CEP164: variants seen among roughly 807,000 people sequenced by gnomAD.
CEP164 encodes centrosomal protein 164.
CEP164 carries 162 observed loss-of-function variants against 182.7 expected under a neutral mutation model. The observed-to-expected ratio is 0.89, with a 90% CI of 0.78 to 1.01. CEP164 has a LOEUF of 1.01. Ranked by LOEUF, CEP164 falls within the 50% of genes least tolerant of loss-of-function variation. CEP164 has a pLI of 0.00. For synonymous variants in CEP164, 661 were observed against 690.0 expected (o/e 0.96, Z 0.66); for missense variants, 1,735 against 1,790.4 (o/e 0.97, Z 0.56).
intron 24 of CEP164, 124 bp from the exon 25 acceptor site, chr11:117,395,930 C>CTCAGCCCTTCCTCAGGGACTT: frequency 7.1e-7 from 1 of 1,406,206 alleles, no homozygotes; most frequent in Non-Finnish European, 9.8e-7. Context: ...TTGTTCGTGC[C>CTCAGCCCTTCCTCAGGGACTT]TGAGCCCTTC....
chr11:117,354,714 T>C (rs558153519), intron 5 of CEP164, among the ~76,000 whole-genome samples: 96 of 151,938 alleles, frequency 6.3e-4, no homozygotes, highest in African/African-American at 2.0e-3. Flanking sequence ...TGTGTTTTAC[T>C]TCATTTTTTA....
intron 11 of CEP164, 28 bp from the exon 12 acceptor site, chr11:117,380,586 C>G: frequency 4.5e-6 from 7 of 1,564,572 alleles, no homozygotes; most frequent in Non-Finnish European, 5.2e-6. Context: ...CCCTCCAACA[C>G]AAACTTTTTA....
chr11:117,340,004 T>A (rs2037858252), intron 3 of CEP164, among the ~76,000 whole-genome samples: 1 of 152,062 alleles, frequency 6.6e-6, no homozygotes, highest in South Asian at 2.1e-4. Flanking sequence ...CTAGGGCCTG[T>A]ACTTTGTTCT....
chr11:117,391,732 C>T (rs1565576685), intron 17 of CEP164, among the ~76,000 whole-genome samples: 3 of 152,282 alleles, frequency 2.0e-5, no homozygotes, highest in Non-Finnish European at 4.4e-5. Flanking sequence ...TCTTCTACTC[C>T]AGTCAGATGG....
intron 5 of CEP164, chr11:117,356,382 C>T: frequency 1.7e-6 from 2 of 1,186,812 alleles, no homozygotes; most frequent in African/African-American, 3.2e-5. Context: ...TCTAGGATGT[C>T]TAGTGAGGGT....
Position 117,344,201 on chromosome 11 carries a change from C to T in CEP164, c.118C>T (p.Pro40Ser), listed in dbSNP as rs1484750398. 2.5e-6 allele frequency: 4 copies of T among 1,613,236 alleles called. No individual in the cohort carries two copies. The highest frequency in any genetic ancestry group is 2.5e-6 in the Non-Finnish European group (3 of 1,179,680). Residue 40 changes from proline to serine, a missense_variant, in exon 4 of 33, where the codon CCC becomes TCC. Coordinates refer to ENST00000278935, the MANE Select transcript of CEP164 (RefSeq NM_014956.5). ...LEFAREIGID[P>S]IKEPELMWLA... Reference sequence around the variant, plus strand: ...ATTTGCCCGGGAGATTGGTATTGATCCCATCAAGGAACCAGAACTGATGTG... The same window carrying T: ...ATTTGCCCGGGAGATTGGTATTGATTCCATCAAGGAACCAGAACTGATGTG...
rs568856142 is a variant in CEP164 at position 117,409,272 on chromosome 11, C to T, written c.3748+244C>T. On this transcript the variant is annotated intron_variant, in intron 29 of 32. Coordinates refer to ENST00000278935, the MANE Select transcript of CEP164 (RefSeq NM_014956.5). The surrounding 1 kb of genome is among the most constrained non-coding windows in gnomAD (Gnocchi z 4.4). The stretch of plus-strand genomic sequence containing the variant: ...AGCACTCTACGGTGTGACCACTGGC[C>T]TTGCTGGCCTCTTCTCTTCCAGGGC... The T allele has an allele frequency of 8.4e-6, 5 of 594,060 alleles. No individual in the cohort carries two copies. The highest frequency in any genetic ancestry group is 2.8e-5 in the East Asian group (1 of 35,586). The allele number at this position is 594,060 out of a possible 1,614,324, so 36.8% of individuals were successfully genotyped here. A position where few individuals can be genotyped will look rare whatever the true frequency, so the allele number is the denominator to read the frequency against.
chr11:117,353,595 G>C (rs1241250778), intron 5 of CEP164, among the ~76,000 whole-genome samples: 4 of 152,174 alleles, frequency 2.6e-5, no homozygotes, highest in Admixed American at 2.6e-4. Context: ...GTTAAAAAGA[G>C]TTCCCTCCGT....
At chr11:117,376,842 G>A (rs1009632703) in intron 11 of CEP164, among the ~76,000 whole-genome samples, 2 of 152,250 alleles carry the variant, frequency 1.3e-5, no homozygotes, top group Admixed American at 6.5e-5. Flanking sequence ...AAGGTTTGGA[G>A]CAGGCGAATT....
chr11:117,397,306 T>C lies in CEP164; in HGVS notation c.3494T>C (p.Leu1165Pro), dbSNP rs747917840. Residue 1165 changes from leucine (L) to proline (P), a missense_variant, in exon 27 of 33, where the codon CTG becomes CCG. Transcript: ENST00000278935. Reference protein sequence around the residue: ...IKALEDMRKNLEKETRHLDEM... With the variant: ...IKALEDMRKNPEKETRHLDEM... The stretch of plus-strand genomic sequence containing the variant: ...GCCCTGGAAGATATGCGCAAGAACC[T>C]GGAGAAGGTCAGGAGCTTTGGGAAG... The C allele has an allele frequency of 6.2e-7, 1 of 1,611,688 alleles. No individual in the cohort carries two copies. Among genetic ancestry groups the C allele is most frequent in the Non-Finnish European group, 8.5e-7 (1 of 1,179,352 alleles).
chr11:117,363,742 A>G (rs955531511), intron 8 of CEP164, among the ~76,000 whole-genome samples: 1 of 140,618 alleles, frequency 7.1e-6, no homozygotes, highest in African/African-American at 2.7e-5. Flanking sequence ...TTATTGTAAT[A>G]CCTAAAACCT....
At chr11:117,362,687 C>T in intron 7 of CEP164, 149 bp downstream of exon 7, 1 of 798,208 alleles carries the variant, frequency 1.3e-6, no homozygotes. Flanking sequence ...TATTAATTAC[C>T]TTCACAATGT....
chr11:117,408,624 C>G, intron 28 of CEP164: 1 of 465,008 alleles, frequency 2.2e-6, no homozygotes, highest in Non-Finnish European at 3.9e-6. Flanking sequence ...AACTCTGGGC[C>G]CCAGAGGAGT....
At chr11:117,382,332 T>C (rs958083143) in intron 13 of CEP164, among the ~76,000 whole-genome samples, 6 of 152,332 alleles carry the variant, frequency 3.9e-5, no homozygotes, top group East Asian at 3.9e-4. Flanking sequence ...AGCCCTGTTA[T>C]GTGCTCGGCC....
In CEP164 at chr11:117,409,804, C is replaced by A. The variant is rs1329388109; in HGVS notation, c.3935C>A (p.Pro1312His). Residue 1312 changes from proline (P) to histidine (H), a missense_variant, in exon 30 of 33, where the codon CCC becomes CAC. Pro to His is a moderately conservative substitution (Grantham distance 77, BLOSUM62 -2). Transcript: ENST00000278935. The surrounding 1 kb of genome is among the most constrained non-coding windows in gnomAD (Gnocchi z 4.4). Reference sequence around the variant, plus strand: ...CGGGACCCTAAGAGCACCCCCACCCCCACCTACTATGGCTCCCTGGCCAGG... The same window carrying A: ...CGGGACCCTAAGAGCACCCCCACCCACACCTACTATGGCTCCCTGGCCAGG... ...PPRDPKSTPT[P>H]TYYGSLARFS... 1 of 1,612,426 alleles carries A rather than the reference C, an allele frequency of 6.2e-7. No homozygotes were observed.
In CEP164 at chr11:117,412,128, G is replaced by A; in HGVS notation, c.4343G>A (p.Gly1448Asp). The change falls in exon 33 of 33, where the codon GGC becomes GAC. Residue 1448 changes from glycine (G) to aspartate (D), a missense_variant. Coordinates refer to ENST00000278935, the MANE Select transcript of CEP164 (RefSeq NM_014956.5). ...GCTACTTTGAGCCTCCTGCAGCTGG[G>A]CCTTGATGAGCACAACAGAGTGAAG... ...PKATLSLLQL[G>D]LDEHNRVKVY... 1 of 1,614,190 alleles carries A rather than the reference G, an allele frequency of 6.2e-7. No homozygotes were observed. Among genetic ancestry groups the A allele is most frequent in the Middle Eastern group, 1.6e-4 (1 of 6,062 alleles).
At position 117,380,483 on chromosome 11, in the gene CEP164, G is replaced by A. The variant is rs113876290; in HGVS notation, c.1318-131G>A. On this transcript the variant is annotated intron_variant, in intron 11 of 32. Coordinates refer to ENST00000278935, the MANE Select transcript of CEP164 (RefSeq NM_014956.5). ...GCAGTAGATCAACCTTCTGTTCTAC[G>A]TCCCGTATGGTCCCATCTTCTGGAG... is the stretch of plus-strand genomic sequence containing the variant. 1.3e-4 allele frequency: 89 copies of A among 692,946 alleles called. No homozygotes were observed. The African/African-American group carries it at 1.4e-3, about 11-fold the overall frequency. 42.9% of individuals were successfully genotyped at this position (692,946 alleles called of 1,614,324 possible). A position where few individuals can be genotyped will look rare whatever the true frequency, so the allele number is the denominator to read the frequency against.
chr11:117,413,149 G>A lies in CEP164; in HGVS notation c.*981G>A, dbSNP rs777690731. ...GGAGATGCTGCCGTTGTGGCAGAGCGTCCTGCAGCCCCGCTTCCATCAGCA... is the reference window on the plus strand; with the variant it reads ...GGAGATGCTGCCGTTGTGGCAGAGCATCCTGCAGCCCCGCTTCCATCAGCA... On this transcript the variant is annotated 3_prime_UTR_variant, in exon 33 of 33. Coordinates refer to ENST00000278935, the MANE Select transcript of CEP164 (RefSeq NM_014956.5). The A allele has an allele frequency of 4.6e-5, 7 of 152,356 alleles. No homozygotes were observed. Among genetic ancestry groups the A allele is most frequent in the South Asian group, 2.1e-4 (1 of 4,828 alleles). 9.4% of individuals were successfully genotyped at this position (152,356 alleles called of 1,614,324 possible).
chr11:117,362,751 A>G (rs1187641290), intron 7 of CEP164, among the ~76,000 whole-genome samples: 2 of 151,892 alleles, frequency 1.3e-5, no homozygotes, highest in Admixed American at 6.6e-5. Context: ...CCCCGCCGCC[A>G]CTATTCATTT....
Sources: allele counts gnomAD v4.1 joint callset (sites outside exome capture counted in the v4.1 genomes callset), GRCh38; gene constraint gnomAD v4.1.1; non-coding constraint Gnocchi (gnomAD v3.1); transcripts MANE v1.5; gene names NCBI Gene and HGNC (gene_info 2026-07-23, HGNC 2026-07-21).